PRKCZ: variants seen among roughly 807,000 people sequenced by gnomAD.
The protein encoded by PRKCZ is protein kinase C zeta type.
PRKCZ carries 33 observed loss-of-function variants against 79.5 expected under a neutral mutation model. That is an observed-to-expected ratio of 0.41 (90% CI 0.31 to 0.55). PRKCZ has a LOEUF of 0.55. PRKCZ is among the 20% of genes least tolerant of loss of function. The pLI is 0.19. For synonymous variants in PRKCZ, 342 were observed against 320.9 expected (o/e 1.07, Z -0.70); for missense variants, 578 against 813.5 (o/e 0.71, Z 3.52).
At chr1:2,135,483 G>A (rs1179896319) in intron 5 of PRKCZ, 136 bp downstream of exon 5, 1 of 774,042 alleles carries the variant, frequency 1.3e-6, no homozygotes, top group Non-Finnish European at 2.0e-6. Flanking sequence ...TTACAGAAAT[G>A]CTTTCTCTGG....
At chr1:2,155,574 G>A (rs1030695201) in intron 9 of PRKCZ, among the ~76,000 whole-genome samples, 1 of 147,246 alleles carries the variant, frequency 6.8e-6, no homozygotes, top group Non-Finnish European at 1.5e-5. Flanking sequence ...CAGTGATGAT[G>A]CAGATGGTGA....
rs898428108 is a variant in PRKCZ, at chr1:2,178,147, C to T, written c.1575+2834C>T. Among the ~76,000 whole-genome samples, 7 of 152,208 alleles carry T rather than the reference C, an allele frequency of 4.6e-5. No individual in the cohort carries two copies. Among genetic ancestry groups the T allele is most frequent in the Non-Finnish European group, 8.8e-5 (6 of 68,042 alleles). The stretch of plus-strand genomic sequence containing the variant: ...TCTGAGCAATCCCAGAGTTACATGA[C>T]GTCATCGCGATCACTTTCATCACCC... On this transcript the variant is annotated intron_variant, in intron 16 of 17. Transcript: ENST00000378567. This position sits in a 1 kb window ranked among gnomAD's most constrained non-coding sequence, Gnocchi z 4.3.
At position 2,075,963 on chromosome 1, in the gene PRKCZ, G is replaced by A. The variant is rs1049085822; in HGVS notation, c.334+16372G>A. ...GCACATGGAGGTTGAACTGTTGGGG[G>A]GCGGGAGGACCATCCATGGGGTCAG... On this transcript the variant is annotated intron_variant, in intron 4 of 17. Coordinates refer to ENST00000378567, the MANE Select transcript of PRKCZ (RefSeq NM_002744.6). The surrounding 1 kb of genome is among the most constrained non-coding windows in gnomAD (Gnocchi z 4.8). Among the ~76,000 whole-genome samples, 4 of 152,238 alleles carry A rather than the reference G, an allele frequency of 2.6e-5. No homozygotes were observed. Among genetic ancestry groups the A allele is most frequent in the Admixed American group, 2.6e-4 (4 of 15,290 alleles).
chr1:2,156,254 G>T, intron 10 of PRKCZ, 162 bp downstream of exon 10: 1 of 608,500 alleles, frequency 1.6e-6, no homozygotes, highest in Non-Finnish European at 2.9e-6. Context: ...CTCCTTGGTT[G>T]GTGTCATATT....
chr1:2,067,786 A>G (rs991510899), intron 4 of PRKCZ, among the ~76,000 whole-genome samples: 6 of 152,164 alleles, frequency 3.9e-5, no homozygotes, highest in African/African-American at 1.4e-4. Context: ...TCCTTGCTGT[A>G]TCTGGTCACA....
At position 2,052,319 on chromosome 1, in the gene PRKCZ, C is replaced by T. The variant is rs370899586; in HGVS notation, c.71+1618C>T. On this transcript the variant is annotated intron_variant, in intron 1 of 17. Transcript: ENST00000378567. ...CCCTGGGAGCACTTTGGTGGTGGGG[C>T]GGGTGTAATTCCACCCGGTGACTCT... Among the ~76,000 whole-genome samples the T allele has an allele frequency of 1.6e-4, 25 of 152,212 alleles. 1 individual carries two copies. In the South Asian group the frequency reaches 5.0e-3, roughly 30 times the overall value.
chr1:2,172,237 C>G lies in PRKCZ; in HGVS notation c.1197+47C>G. 6.2e-7 allele frequency: 1 copy of G among 1,613,430 alleles called. No individual in the cohort carries two copies. Among genetic ancestry groups the G allele is most frequent in the East Asian group, 2.2e-5 (1 of 44,874 alleles). On this transcript the variant is annotated intron_variant, in intron 12 of 17. Coordinates refer to ENST00000378567, the MANE Select transcript of PRKCZ (RefSeq NM_002744.6). This position sits in a 1 kb window ranked among gnomAD's most constrained non-coding sequence, Gnocchi z 7.8. ...CCCTGACCATCCCGCATGTGCGTCT[C>G]GGGGCGCCTGTCCCGCGGGGTAGTG...
intron 4 of PRKCZ, among the ~76,000 whole-genome samples, chr1:2,068,640 G>A (rs1661319568): frequency 6.6e-6 from 1 of 152,212 alleles, no homozygotes; most frequent in Non-Finnish European, 1.5e-5. Context: ...TGTCTTTTTG[G>A]AGGCCCATCC....
chr1:2,090,181 T>C (rs1350563131), intron 4 of PRKCZ, among the ~76,000 whole-genome samples: 1 of 152,232 alleles, frequency 6.6e-6, no homozygotes, highest in Non-Finnish European at 1.5e-5. Context: ...AATAAGGGCA[T>C]GTTCTGAGCT....
In PRKCZ at chr1:2,075,853, G is replaced by A. The variant is rs138446222; in HGVS notation, c.334+16262G>A. Reference sequence around the variant, plus strand: ...CCACTGAGCATCCTGAGAAGTTCCCGTGCTTGTGACCTGCTCTCGTGTGTG... The same window carrying A: ...CCACTGAGCATCCTGAGAAGTTCCCATGCTTGTGACCTGCTCTCGTGTGTG... On this transcript the variant is annotated intron_variant, in intron 4 of 17. Coordinates refer to ENST00000378567, the MANE Select transcript of PRKCZ (RefSeq NM_002744.6). This position sits in a 1 kb window ranked among gnomAD's most constrained non-coding sequence, Gnocchi z 4.8. Among the ~76,000 whole-genome samples the A allele has an allele frequency of 3.2e-3, 489 of 152,350 alleles. 6 individuals are homozygous for A. The highest frequency in any genetic ancestry group is 0.011 in the African/African-American group (466 of 41,574).
At chr1:2,085,624 C>T (rs960618934) in intron 4 of PRKCZ, among the ~76,000 whole-genome samples, 5 of 151,936 alleles carry the variant, frequency 3.3e-5, no homozygotes, top group African/African-American at 9.7e-5. Context: ...CGTGAGGCAC[C>T]GTGCTGGAGG....
chr1:2,114,317 A>C (rs977107466), intron 4 of PRKCZ, among the ~76,000 whole-genome samples: 1 of 152,250 alleles, frequency 6.6e-6, no homozygotes, highest in Non-Finnish European at 1.5e-5. Context: ...CATTTGAAAC[A>C]GAAGAGATGA....
intron 4 of PRKCZ, among the ~76,000 whole-genome samples, chr1:2,078,530 T>C (rs1206540556): frequency 2.0e-5 from 3 of 152,196 alleles, no homozygotes; most frequent in Non-Finnish European, 4.4e-5. Context: ...TTCCTTGTCG[T>C]GGAAACTTCT....
At chr1:2,145,761 C>T (rs1001115780) in intron 6 of PRKCZ, among the ~76,000 whole-genome samples, 4 of 152,032 alleles carry the variant, frequency 2.6e-5, no homozygotes, top group African/African-American at 4.8e-5. Context: ...AAAAAAAATA[C>T]AAAAATTAGC....
chr1:2,053,962 G>A (rs1659923091), intron 1 of PRKCZ, among the ~76,000 whole-genome samples: 1 of 152,184 alleles, frequency 6.6e-6, no homozygotes, highest in Admixed American at 6.5e-5. Context: ...CAGCAGGAAG[G>A]GGTGGGTAGC....
At chr1:2,134,188 T>A (rs1332911953) in intron 4 of PRKCZ, among the ~76,000 whole-genome samples, 1 of 152,222 alleles carries the variant, frequency 6.6e-6, no homozygotes, top group African/African-American at 2.4e-5. Flanking sequence ...CCTGCGCTCC[T>A]GGAGGACCCC....
chr1:2,073,198 G>A (rs1661773926), intron 4 of PRKCZ, among the ~76,000 whole-genome samples: 1 of 152,096 alleles, frequency 6.6e-6, no homozygotes, highest in Non-Finnish European at 1.5e-5. Context: ...CAGGCCAGCC[G>A]GGACAGTTTT....
chr1:2,076,170 A>G (rs2102341559), intron 4 of PRKCZ, among the ~76,000 whole-genome samples: 1 of 152,258 alleles, frequency 6.6e-6, no homozygotes, highest in South Asian at 2.1e-4. Context: ...GGAAAGTGTG[A>G]TGACATCTGA....
intron 3 of PRKCZ, among the ~76,000 whole-genome samples, chr1:2,058,548 CCTCT>C (rs1191792693): frequency 2.0e-5 from 3 of 151,978 alleles, no homozygotes; most frequent in Non-Finnish European, 4.4e-5. Context: ...GCACATTTTG[CCTCT>C]CTATGTGGAA....
Sources: allele counts gnomAD v4.1 joint callset (sites outside exome capture counted in the v4.1 genomes callset), GRCh38; gene constraint gnomAD v4.1.1; non-coding constraint Gnocchi (gnomAD v3.1); transcripts MANE v1.5; gene names NCBI Gene and HGNC (gene_info 2026-07-23, HGNC 2026-07-21).